Variants in BRD10 observed in about 807,000 individuals in gnomAD.
The protein encoded by BRD10 is uncharacterized bromodomain-containing protein 10.
the BRD10 span, among the ~76,000 whole-genome samples, chr9:5,961,876 T>C: frequency 6.6e-6 from 1 of 152,230 alleles, no homozygotes; most frequent in Non-Finnish European, 1.5e-5. Context: ...TTGTGCCTTC[T>C]ACTAAAAATC....
At chr9:5,903,324 C>A in the BRD10 span, among the ~76,000 whole-genome samples, 2 of 152,200 alleles carry the variant, frequency 1.3e-5, no homozygotes, top group Non-Finnish European at 2.9e-5. Flanking sequence ...CTACAGATGT[C>A]TATTATATCT....
chr9:5,958,674 T>C, the BRD10 span, among the ~76,000 whole-genome samples: 1 of 152,234 alleles, frequency 6.6e-6, no homozygotes, highest in African/African-American at 2.4e-5. Context: ...ACTTCAATGC[T>C]TTCCTAGATT....
At chr9:5,945,803 G>A in the BRD10 span, among the ~76,000 whole-genome samples, 1 of 151,708 alleles carries the variant, frequency 6.6e-6, no homozygotes, top group African/African-American at 2.4e-5. Flanking sequence ...AAATTACTGC[G>A]AAAAAGAACT....
At chr9:5,922,617 G>T in the BRD10 span, 1 of 1,613,934 alleles carries the variant, frequency 6.2e-7, no homozygotes, top group South Asian at 1.1e-5. Context: ...TTCTGTTGAA[G>T]TGGTGGCACT....
At chr9:5,922,290 G>C in the BRD10 span, 2 of 1,614,004 alleles carry the variant, frequency 1.2e-6, no homozygotes, top group Admixed American at 1.7e-5. Flanking sequence ...GTTGATGACA[G>C]AGGCTGACCT....
chr9:5,974,119 A>C, the BRD10 span, among the ~76,000 whole-genome samples: 6 of 152,184 alleles, frequency 3.9e-5, no homozygotes, highest in African/African-American at 1.2e-4. Flanking sequence ...AGACATACAC[A>C]AAAAAAATCT....
chr9:5,882,848 T>C, the BRD10 span, among the ~76,000 whole-genome samples: 51 of 152,232 alleles, frequency 3.4e-4, no homozygotes, highest in Admixed American at 2.9e-3. Context: ...GATGAGTTCA[T>C]GTCCTTTGTA....
At chr9:5,991,390 T>C in the BRD10 span, among the ~76,000 whole-genome samples, 1 of 152,128 alleles carries the variant, frequency 6.6e-6, no homozygotes, top group Non-Finnish European at 1.5e-5. Flanking sequence ...CTGATATTCC[T>C]AGAGTCTACT....
the BRD10 span, chr9:6,007,712 C>G: frequency 6.2e-7 from 1 of 1,604,134 alleles, no homozygotes; most frequent in Non-Finnish European, 8.5e-7. Flanking sequence ...TCGTCGTCCT[C>G]TCCTTCGGCC....
At chr9:6,007,595 T>C in the BRD10 span, 2 of 1,607,564 alleles carry the variant, frequency 1.2e-6, no homozygotes, top group Non-Finnish European at 1.7e-6. Flanking sequence ...CCGCCTCCGA[T>C]CACCATCGCC....
the BRD10 span, among the ~76,000 whole-genome samples, chr9:5,982,051 G>A: frequency 7.2e-6 from 1 of 139,212 alleles, no homozygotes; most frequent in African/African-American, 2.8e-5. Flanking sequence ...GTATGTATGT[G>A]TGTGTATATA....
At chr9:6,007,416 C>A in the BRD10 span, 1 of 1,607,386 alleles carries the variant, frequency 6.2e-7, no homozygotes, top group Admixed American at 1.7e-5. Flanking sequence ...CGCGACCGCC[C>A]CGGCCCCCGC....
chr9:5,940,072 CTTATT>C, the BRD10 span, among the ~76,000 whole-genome samples: 1 of 152,138 alleles, frequency 6.6e-6, no homozygotes, highest in African/African-American at 2.4e-5. Flanking sequence ...CTGAATTTAC[CTTATT>C]TTAAGAACAT....
the BRD10 span, among the ~76,000 whole-genome samples, chr9:5,996,775 G>A: frequency 6.6e-6 from 1 of 152,218 alleles, no homozygotes; most frequent in Admixed American, 6.5e-5. Context: ...CTTGACAAGT[G>A]TGATAAGCAT....
chr9:5,885,569 C>G, the BRD10 span, among the ~76,000 whole-genome samples: 1 of 152,080 alleles, frequency 6.6e-6, no homozygotes, highest in Non-Finnish European at 1.5e-5. Flanking sequence ...GACGGGTTTT[C>G]TCCATGTTGG....
the BRD10 span, among the ~76,000 whole-genome samples, chr9:5,927,327 A>G: frequency 6.6e-6 from 1 of 152,210 alleles, no homozygotes; most frequent in Non-Finnish European, 1.5e-5. Flanking sequence ...CTAATCAAGG[A>G]TAACACTCTA....
the BRD10 span, among the ~76,000 whole-genome samples, chr9:5,998,992 C>T: frequency 1.6e-4 from 24 of 151,814 alleles, no homozygotes; most frequent in African/African-American, 5.8e-4. Flanking sequence ...GGATTATGTT[C>T]TTATAAGTAT....
At chr9:5,897,422 G>T in the BRD10 span, 1 of 766,142 alleles carries the variant, frequency 1.3e-6, no homozygotes, top group Non-Finnish European at 2.2e-6. Context: ...GTGGGAGGTG[G>T]GAAACTACTT....
At chr9:6,007,064 C>G in the BRD10 span, 2 of 911,182 alleles carry the variant, frequency 2.2e-6, no homozygotes, top group East Asian at 5.2e-5. Flanking sequence ...CTCCTCCTCC[C>G]GGGCTTCTCC....
Sources: allele counts gnomAD v4.1 joint callset (sites outside exome capture counted in the v4.1 genomes callset), GRCh38; gene constraint gnomAD v4.1.1; transcripts MANE v1.5; gene names NCBI Gene and HGNC (gene_info 2026-07-23, HGNC 2026-07-21).